Variants in VPS26B observed in about 807,000 individuals in gnomAD.
VPS26B encodes vacuolar protein sorting-associated protein 26B.
In VPS26B, 10 loss-of-function variants were observed where a neutral mutation model predicts 33.3. The ratio of observed to expected loss-of-function variants is 0.30; its 90% CI spans 0.19 to 0.51. VPS26B has a LOEUF of 0.51. Ranked by LOEUF, VPS26B falls within the 20% of genes least tolerant of loss-of-function variation. VPS26B has a pLI of 0.98. For synonymous variants in VPS26B, 190 were observed against 176.9 expected, an observed-to-expected ratio of 1.07 and a Z score of -0.59; for missense variants, 317 against 452.7, an observed-to-expected ratio of 0.70 and a Z score of 2.72.
intron 2 of VPS26B, among the ~76,000 whole-genome samples, chr11:134,238,078 C>T (rs1447373577): frequency 6.6e-6 from 1 of 152,260 alleles, no homozygotes; most frequent in African/African-American, 2.4e-5. Context: ...AAGGCTTCCA[C>T]ATTAGAATCA....
chr11:134,230,996 G>T (rs1485749045), intron 1 of VPS26B, among the ~76,000 whole-genome samples: 1 of 152,196 alleles, frequency 6.6e-6, no homozygotes, highest in Non-Finnish European at 1.5e-5. Flanking sequence ...TCTTTAGGAA[G>T]ATGCAGTAGT....
Position 134,247,555 on chromosome 11 carries a change from C to G in VPS26B, c.*1965C>G, listed in dbSNP as rs1938858218. The G allele has an allele frequency of 6.6e-6, 1 of 152,632 alleles. No homozygotes were observed. Among genetic ancestry groups the G allele is most frequent in the Non-Finnish European group, 1.5e-5 (1 of 68,068 alleles). The allele number at this position is 152,632 out of a possible 1,614,324, so 9.5% of individuals were successfully genotyped here. A position where few individuals can be genotyped will look rare whatever the true frequency, so the allele number is the denominator to read the frequency against. On this transcript the variant is annotated 3_prime_UTR_variant, in exon 6 of 6. Transcript: ENST00000281187. ...CTACCCACATTCTTGCCTTCTCTAT[C>G]CAACTGTGAAAGTGAGGGGAGGCTC... is the stretch of plus-strand genomic sequence containing the variant.
At chr11:134,239,704 C>G (rs1366707093) in intron 2 of VPS26B, 6 of 429,710 alleles carry the variant, frequency 1.4e-5, no homozygotes, top group Non-Finnish European at 2.2e-5. Flanking sequence ...GCAGAGAAAT[C>G]ACTTTCCCTT....
chr11:134,233,381 G>A (rs1009010990), intron 1 of VPS26B, among the ~76,000 whole-genome samples: 3 of 152,220 alleles, frequency 2.0e-5, no homozygotes, highest in Non-Finnish European at 4.4e-5. Context: ...TCCTTGAGGG[G>A]TGGTGGCTTG....
chr11:134,229,340 A>G (rs982051986), intron 1 of VPS26B, among the ~76,000 whole-genome samples: 11 of 152,116 alleles, frequency 7.2e-5, no homozygotes, highest in African/African-American at 2.7e-4. Context: ...TTATATTCTG[A>G]TGACTCCCAG....
At position 134,245,191 on chromosome 11, in the gene VPS26B, C is replaced by T; in HGVS notation, c.864+111C>T. 1 of 1,440,362 alleles carries T rather than the reference C, an allele frequency of 6.9e-7. No individual in the cohort carries two copies. The highest frequency in any genetic ancestry group is 9.3e-7 in the Non-Finnish European group (1 of 1,079,678). 89.2% of individuals were successfully genotyped at this position (1,440,362 alleles called of 1,614,324 possible). A position where few individuals can be genotyped will look rare whatever the true frequency, so the allele number is the denominator to read the frequency against. ...GCCAAGAGGTGGGAACATTAGGTCG[C>T]CCACAATTGCACAACAAGAATGAGG... On this transcript the variant is annotated intron_variant, in intron 5 of 5. Coordinates refer to ENST00000281187, the MANE Select transcript of VPS26B (RefSeq NM_052875.5). The surrounding 1 kb of genome is among the most constrained non-coding windows in gnomAD (Gnocchi z 4.7).
rs529274114 is a variant in VPS26B at position 134,229,061 on chromosome 11, A to G, written c.223+3716A>G. ...AAAAAATTTTTTGAGACATGGTCTC[A>G]CTCCGTCACCCAGGCTAGAGTGCAG... is the stretch of plus-strand genomic sequence containing the variant. On this transcript the variant is annotated intron_variant, in intron 1 of 5. Transcript: ENST00000281187. Among the ~76,000 whole-genome samples the G allele has an allele frequency of 2.6e-5, 4 of 152,102 alleles. No homozygotes were observed. In the South Asian group the frequency reaches 8.3e-4, roughly 32 times the overall value.
chr11:134,225,170 G>T lies in VPS26B; in HGVS notation c.48G>T (p.Leu16=). ...AGAGCGTGGAGGTGGAAATCCTTCT[G>T]AACGATGCAGAGAGTAGGAAGCGGG... ...FGQSVEVEIL[L]NDAESRKRAE... The change falls in exon 1 of 6, where the codon CTG becomes CTT. Residue 16 remains leucine, a synonymous_variant. Coordinates refer to ENST00000281187, the MANE Select transcript of VPS26B (RefSeq NM_052875.5). 6.2e-7 allele frequency: 1 copy of T among 1,614,012 alleles called. No homozygotes were observed. The highest frequency in any genetic ancestry group is 1.1e-5 in the South Asian group (1 of 91,078).
In VPS26B at chr11:134,239,589, A is replaced by G. The variant is rs576209470; in HGVS notation, c.381-402A>G. On this transcript the variant is annotated intron_variant, in intron 2 of 5. Transcript: ENST00000281187. ...ACTACGAGACGGACTCCTTTGCCCC[A>G]AAAGCCAGGAGTTAGCTGATGAAAT... is the stretch of plus-strand genomic sequence containing the variant. 3.1e-5 allele frequency: 6 copies of G among 196,178 alleles called. No homozygotes were observed. The South Asian group carries it at 4.8e-4, about 16-fold the overall frequency. 12.2% of individuals were successfully genotyped at this position (196,178 alleles called of 1,614,324 possible).
At chr11:134,231,529 G>A (rs1445055940) in intron 1 of VPS26B, among the ~76,000 whole-genome samples, 1 of 152,054 alleles carries the variant, frequency 6.6e-6, no homozygotes, top group Non-Finnish European at 1.5e-5. Context: ...AGCAGACAGT[G>A]GCTGGGAGGG....
At chr11:134,234,628 T>TA (rs1938604128) in intron 1 of VPS26B, among the ~76,000 whole-genome samples, 1 of 152,192 alleles carries the variant, frequency 6.6e-6, no homozygotes, top group Non-Finnish European at 1.5e-5. Context: ...TTACCCTTAT[T>TA]AAAAGATGGT....
intron 1 of VPS26B, among the ~76,000 whole-genome samples, chr11:134,228,333 A>G (rs1056172983): frequency 1.3e-5 from 2 of 151,290 alleles, no homozygotes; most frequent in Non-Finnish European, 2.9e-5. Flanking sequence ...TTGATCAAGA[A>G]CAAGGCATTA....
intron 1 of VPS26B, among the ~76,000 whole-genome samples, chr11:134,232,208 G>C (rs61909697): frequency 0.56 from 84,953 of 151,416 alleles, 26,613 homozygotes; most frequent in South Asian, 0.74. Context: ...AATGAAAGAT[G>C]ACGCGTGGTT....
chr11:134,240,284 G>A lies in VPS26B; in HGVS notation c.545+129G>A, dbSNP rs1233977848. On this transcript the variant is annotated intron_variant, in intron 3 of 5. Coordinates refer to ENST00000281187, the MANE Select transcript of VPS26B (RefSeq NM_052875.5). This position sits in a 1 kb window ranked among gnomAD's most constrained non-coding sequence, Gnocchi z 4.4. The stretch of plus-strand genomic sequence containing the variant: ...TGGTGGCATGCGGTGGGGGAAGACC[G>A]TGGGAGCAATCCAGTGAGTGTCTAT... The A allele has an allele frequency of 1.9e-5, 20 of 1,057,778 alleles. No individual in the cohort carries two copies. The highest frequency in any genetic ancestry group is 1.1e-4 in the African/African-American group (7 of 63,872). 65.5% of individuals were successfully genotyped at this position (1,057,778 alleles called of 1,614,324 possible).
At position 134,240,199 on chromosome 11, in the gene VPS26B, G is replaced by A. The variant is rs374897772; in HGVS notation, c.545+44G>A. On this transcript the variant is annotated intron_variant, in intron 3 of 5. Transcript: ENST00000281187. This position sits in a 1 kb window ranked among gnomAD's most constrained non-coding sequence, Gnocchi z 4.4. ...AGGTTGTGAAATGATTATTTAAGGA[G>A]GTTAAGATGGGACTTGATGCAGATG... is the stretch of plus-strand genomic sequence containing the variant. 3.1e-5 allele frequency: 50 copies of A among 1,600,970 alleles called. No individual in the cohort carries two copies. Among genetic ancestry groups the A allele is most frequent in the Non-Finnish European group, 4.1e-5 (48 of 1,170,106 alleles).
Position 134,242,923 on chromosome 11 carries a change from A to T in VPS26B, c.546-196A>T, listed in dbSNP as rs569659671. 1.1e-4 allele frequency among the ~76,000 whole-genome samples: 16 copies of T among 152,336 alleles called. No individual in the cohort carries two copies. The East Asian group carries it at 2.7e-3, about 26-fold the overall frequency. On this transcript the variant is annotated intron_variant, in intron 3 of 5. Transcript: ENST00000281187. ...GTCCTTTGCGTGGGATGTGGAAGGG[A>T]CAGAAGCTACTTTAATCCAAGTAAA...
chr11:134,240,231 G>T lies in VPS26B; in HGVS notation c.545+76G>T. ...ATGGGACTTGATGCAGATGCAAACT[G>T]ATGACCCTCTGTGACTCGACTGCTT... On this transcript the variant is annotated intron_variant, in intron 3 of 5. Coordinates refer to ENST00000281187, the MANE Select transcript of VPS26B (RefSeq NM_052875.5). The surrounding 1 kb of genome is among the most constrained non-coding windows in gnomAD (Gnocchi z 4.4). The T allele has an allele frequency of 2.6e-6, 4 of 1,523,640 alleles. No individual in the cohort carries two copies. Among genetic ancestry groups the T allele is most frequent in the Non-Finnish European group, 3.6e-6 (4 of 1,109,116 alleles). The allele number at this position is 1,523,640 out of a possible 1,614,324, so 94.4% of individuals were successfully genotyped here.
In VPS26B at chr11:134,243,173, C is replaced by T; in HGVS notation, c.600C>T (p.Ile200=). Residue 200 remains isoleucine, a synonymous_variant, in exon 4 of 6, where the codon ATC becomes ATT. Coordinates refer to ENST00000281187, the MANE Select transcript of VPS26B (RefSeq NM_052875.5). The part of the protein sequence containing the change: ...VGKIYFLLVR[I]KIKHMEIDII... ...AGATATACTTCCTGCTGGTGAGAAT[C>T]AAAATCAAGCACATGGAGATAGACA... 6.2e-7 allele frequency: 1 copy of T among 1,610,466 alleles called. No homozygotes were observed. Among genetic ancestry groups the T allele is most frequent in the Non-Finnish European group, 8.5e-7 (1 of 1,178,098 alleles).
chr11:134,245,036 C>T lies in VPS26B; in HGVS notation c.820C>T (p.Leu274=), dbSNP rs1400392328. The stretch of plus-strand genomic sequence containing the variant: ...GTTCTCTGTGCGCTATTACCTCAAC[C>T]TGGTGCTGATAGACGAGGAGGAGCG... ...KKFSVRYYLN[L]VLIDEEERRY... Residue 274 remains leucine, a synonymous_variant, in exon 5 of 6, where the codon CTG becomes TTG. Coordinates refer to ENST00000281187, the MANE Select transcript of VPS26B (RefSeq NM_052875.5). This position sits in a 1 kb window ranked among gnomAD's most constrained non-coding sequence, Gnocchi z 4.7. 1.9e-6 allele frequency: 3 copies of T among 1,614,086 alleles called. No homozygotes were observed. The highest frequency in any genetic ancestry group is 2.5e-6 in the Non-Finnish European group (3 of 1,180,058).
Sources: gnomAD v4.1 joint callset for allele counts (sites outside exome capture counted in the v4.1 genomes callset) on GRCh38, gnomAD v4.1.1 for gene constraint, Gnocchi (gnomAD v3.1) non-coding constraint, MANE v1.5 for transcripts, NCBI Gene and HGNC (gene_info 2026-07-23, HGNC 2026-07-21) for gene names.